Variants in ATRNL1 observed in about 807,000 individuals in gnomAD.
The protein encoded by ATRNL1 is attractin like 1.
Under a neutral mutation model 182.7 loss-of-function variants are expected in ATRNL1, and 95 were observed. The ratio of observed to expected loss-of-function variants is 0.52; its 90% confidence interval spans 0.44 to 0.62. ATRNL1 has a LOEUF of 0.62. ATRNL1 is among the 20% of genes least tolerant of loss of function. ATRNL1 has a pLI of 0.00. For synonymous variants in ATRNL1, 576 were observed against 568.3 expected (o/e 1.01, Z -0.19); for missense variants, 1,471 against 1,679.5 (o/e 0.88, Z 2.17).
chr10:115,392,192 TC>T (rs1278080928), intron 19 of ATRNL1, among the ~76,000 whole-genome samples: 5 of 152,170 alleles, frequency 3.3e-5, no homozygotes, highest in South Asian at 4.1e-4. Flanking sequence ...ACCACCATAA[TC>T]TTTTGTCTTC....
intron 19 of ATRNL1, among the ~76,000 whole-genome samples, chr10:115,341,749 G>A (rs895844814): frequency 5.3e-5 from 8 of 151,824 alleles, no homozygotes; most frequent in African/African-American, 1.9e-4. Flanking sequence ...TGAATTGACC[G>A]CTTTATCATT....
At chr10:115,103,040 G>GTTTT (rs33951113) in intron 1 of ATRNL1, among the ~76,000 whole-genome samples, 4 of 130,352 alleles carry the variant, frequency 3.1e-5, no homozygotes, top group African/African-American at 1.2e-4. Context: ...TATTTTTAGT[G>GTTTT]TTTTTTTTTT....
chr10:115,790,865 C>T (rs543953619), intron 27 of ATRNL1, among the ~76,000 whole-genome samples: 3 of 152,192 alleles, frequency 2.0e-5, no homozygotes, highest in South Asian at 2.1e-4. Flanking sequence ...CATAGATGTT[C>T]GTTAGCATTA....
chr10:115,418,891 A>G (rs1319494952), intron 20 of ATRNL1, among the ~76,000 whole-genome samples: 1 of 152,174 alleles, frequency 6.6e-6, no homozygotes, highest in Non-Finnish European at 1.5e-5. Flanking sequence ...TCTGCAGACA[A>G]ACAAAAGCTG....
intron 24 of ATRNL1, among the ~76,000 whole-genome samples, chr10:115,489,443 C>A (rs571164314): frequency 2.0e-5 from 3 of 152,144 alleles, no homozygotes; most frequent in Admixed American, 2.0e-4. Context: ...GGATAGTCAG[C>A]TCTTCTTGTT....
rs1953866436 is a variant in ATRNL1 at position 115,945,890 on chromosome 10, A to C, written c.*1111A>C. The C allele has an allele frequency of 6.6e-6, 1 of 152,178 alleles. No homozygotes were observed. Among genetic ancestry groups the C allele is most frequent in the Non-Finnish European group, 1.5e-5 (1 of 68,040 alleles). 9.4% of individuals were successfully genotyped at this position (152,178 alleles called of 1,614,324 possible). A position where few individuals can be genotyped will look rare whatever the true frequency, so the allele number is the denominator to read the frequency against. On this transcript the variant is annotated 3_prime_UTR_variant, in exon 29 of 29. Coordinates refer to ENST00000355044, the MANE Select transcript of ATRNL1 (RefSeq NM_207303.4). ...CGAGCGCATCCATGTCCTGAGAAAAAGTCTGTGGTTTAGAAAATATGTCCA... is the reference window on the plus strand; with the variant it reads ...CGAGCGCATCCATGTCCTGAGAAAACGTCTGTGGTTTAGAAAATATGTCCA...
At chr10:115,220,724 T>TG (rs58458401) in intron 9 of ATRNL1, among the ~76,000 whole-genome samples, 2,990 of 20,196 alleles carry the variant, frequency 0.15, 465 homozygotes, top group East Asian at 0.46. Context: ...AATAAAATAA[T>TG]GGGGGGGGGG....
At chr10:115,559,722 A>C (rs1448130852) in intron 26 of ATRNL1, among the ~76,000 whole-genome samples, 1 of 152,312 alleles carries the variant, frequency 6.6e-6, no homozygotes, top group South Asian at 2.1e-4. Context: ...ACAACACCCA[A>C]CAAATTAGGA....
intron 28 of ATRNL1, among the ~76,000 whole-genome samples, chr10:115,908,773 C>T (rs560108831): frequency 6.6e-6 from 1 of 152,286 alleles, no homozygotes; most frequent in East Asian, 1.9e-4. Context: ...TCACTCTGCT[C>T]CTGCTACTGG....
intron 28 of ATRNL1, among the ~76,000 whole-genome samples, chr10:115,855,089 A>G (rs905569885): frequency 6.6e-6 from 1 of 152,194 alleles, no homozygotes; most frequent in Admixed American, 6.5e-5. Context: ...CACTGGCTAC[A>G]TGGGGGTCCT....
chr10:115,270,299 ATTTGT>A (rs1437678771), intron 13 of ATRNL1, among the ~76,000 whole-genome samples: 9 of 144,952 alleles, frequency 6.2e-5, no homozygotes, highest in East Asian at 3.9e-4. Flanking sequence ...TTGTTTATAT[ATTTGT>A]TTATATATTA....
At chr10:115,483,051 C>T (rs999282479) in intron 24 of ATRNL1, among the ~76,000 whole-genome samples, 3 of 151,048 alleles carry the variant, frequency 2.0e-5, no homozygotes, top group African/African-American at 7.3e-5. Flanking sequence ...TTTGCTTTTC[C>T]TAAAACATTT....
At chr10:115,279,925 C>T (rs1043962250) in intron 13 of ATRNL1, among the ~76,000 whole-genome samples, 38 of 152,100 alleles carry the variant, frequency 2.5e-4, no homozygotes, top group Admixed American at 2.2e-3. Flanking sequence ...TGGTGAGGCA[C>T]GACAGACAGT....
At chr10:115,567,206 G>C (rs1438897932) in intron 26 of ATRNL1, among the ~76,000 whole-genome samples, 1 of 152,088 alleles carries the variant, frequency 6.6e-6, no homozygotes, top group Non-Finnish European at 1.5e-5. Context: ...TATGTAGCTA[G>C]GTGATTATTA....
intron 27 of ATRNL1, among the ~76,000 whole-genome samples, chr10:115,821,992 A>G (rs1950311320): frequency 6.6e-6 from 1 of 152,184 alleles, no homozygotes; most frequent in African/African-American, 2.4e-5. Flanking sequence ...ACTCAGCACC[A>G]CATCACACTT....
At chr10:115,845,701 G>GTT (rs11372912) in intron 27 of ATRNL1, among the ~76,000 whole-genome samples, 69 of 149,512 alleles carry the variant, frequency 4.6e-4, no homozygotes, top group Admixed American at 6.0e-4. Flanking sequence ...TTGCAGTCGA[G>GTT]TTTTTTTTTT....
chr10:115,842,618 T>G (rs549170192), intron 27 of ATRNL1, among the ~76,000 whole-genome samples: 1 of 152,182 alleles, frequency 6.6e-6, no homozygotes, highest in Non-Finnish European at 1.5e-5. Flanking sequence ...TGATCACTAG[T>G]CAGAAATGGG....
At chr10:115,716,176 A>G (rs1275755312) in intron 26 of ATRNL1, among the ~76,000 whole-genome samples, 2 of 152,196 alleles carry the variant, frequency 1.3e-5, no homozygotes, top group African/African-American at 4.8e-5. Context: ...AATGATTATT[A>G]TAGGTATCTT....
chr10:115,383,901 T>G (rs1355839814), intron 19 of ATRNL1, among the ~76,000 whole-genome samples: 2 of 152,016 alleles, frequency 1.3e-5, no homozygotes, highest in Admixed American at 6.6e-5. Flanking sequence ...TATGTAAGTT[T>G]TACTTTCTTT....
Sources: gnomAD v4.1 joint callset for allele counts (sites outside exome capture counted in the v4.1 genomes callset) on GRCh38, gnomAD v4.1.1 for gene constraint, MANE v1.5 for transcripts, NCBI Gene and HGNC (gene_info 2026-07-23, HGNC 2026-07-21) for gene names.